CNBD1: variants seen among roughly 807,000 people sequenced by gnomAD.
CNBD1 encodes the protein cyclic nucleotide binding domain containing 1.
CNBD1 carries 71 observed loss-of-function variants against 54.4 expected under a neutral mutation model. The ratio of observed to expected loss-of-function variants is 1.30; its 90% CI spans 1.08 to 1.59. The LOEUF (loss-of-function observed/expected upper bound fraction) is 1.59. CNBD1 is among the 40% of genes most tolerant of loss of function. The pLI is 0.00. For missense variants in CNBD1, 659 were observed against 518.0 expected, an observed-to-expected ratio of 1.27 and a Z score of -2.64; for synonymous variants, 182 against 170.7, an observed-to-expected ratio of 1.07 and a Z score of -0.51.
chr8:87,302,496 A>G (rs1221325634), intron 8 of CNBD1, among the ~76,000 whole-genome samples: 1 of 151,948 alleles, frequency 6.6e-6, no homozygotes, highest in Admixed American at 6.6e-5. Context: ...TCTCAAAATA[A>G]TAAGAGCTAT....
intron 4 of CNBD1, among the ~76,000 whole-genome samples, chr8:87,149,913 C>T (rs560917443): frequency 5.3e-5 from 8 of 152,180 alleles, no homozygotes; most frequent in South Asian, 4.1e-4. Flanking sequence ...CGGTGGCTCA[C>T]GCCTGTAATC....
chr8:87,023,072 C>G (rs1302867174), intron 4 of CNBD1, among the ~76,000 whole-genome samples: 1 of 152,156 alleles, frequency 6.6e-6, no homozygotes, highest in Admixed American at 6.5e-5. Flanking sequence ...CAGCTCCTAA[C>G]TAGGGAGGTA....
chr8:87,142,510 A>G (rs1438707419), intron 4 of CNBD1, among the ~76,000 whole-genome samples: 1 of 152,170 alleles, frequency 6.6e-6, no homozygotes, highest in Non-Finnish European at 1.5e-5. Context: ...TAGTGTAATT[A>G]GGCTAAATAC....
intron 6 of CNBD1, among the ~76,000 whole-genome samples, chr8:87,270,967 G>A (rs1000223858): frequency 6.6e-6 from 1 of 151,484 alleles, no homozygotes; most frequent in African/African-American, 2.4e-5. Context: ...TTTGTTTGTT[G>A]AGATTTTCTA....
rs551136669 is a variant in CNBD1 at position 87,419,527 on chromosome 8, C to A, written c.214-9019C>A. ...CATATTTATAGAAATTGTTCCTATGCCATAAAACTCATTTCAAAAAATTTC... is the reference window on the plus strand; with the variant it reads ...CATATTTATAGAAATTGTTCCTATGACATAAAACTCATTTCAAAAAATTTC... On this transcript the variant is annotated intron_variant, in intron 2 of 7. Coordinates refer to the CNBD1 transcript ENST00000521593. 4.0e-5 allele frequency among the ~76,000 whole-genome samples: 6 copies of A among 151,846 alleles called. No individual in the cohort carries two copies. The East Asian group carries it at 1.2e-3, about 29-fold the overall frequency.
At chr8:87,407,885 A>C (rs757999921) in intron 2 of CNBD1, among the ~76,000 whole-genome samples, 1 of 152,002 alleles carries the variant, frequency 6.6e-6, no homozygotes, top group Admixed American at 6.6e-5. Flanking sequence ...ATTTATATAC[A>C]TGAGTTAGAT....
At chr8:86,936,762 T>A (rs996398122) in intron 3 of CNBD1, among the ~76,000 whole-genome samples, 6 of 138,186 alleles carry the variant, frequency 4.3e-5, no homozygotes, top group African/African-American at 8.5e-5. Context: ...AAAAAAAAAA[T>A]CTATAGGGAT....
At chr8:87,151,722 A>T (rs1411392060) in intron 4 of CNBD1, among the ~76,000 whole-genome samples, 1 of 152,026 alleles carries the variant, frequency 6.6e-6, no homozygotes, top group Non-Finnish European at 1.5e-5. Flanking sequence ...TTTGCAAATT[A>T]ACTGTCTTAA....
At chr8:87,407,574 C>G (rs1450121354) in intron 2 of CNBD1, among the ~76,000 whole-genome samples, 1 of 151,946 alleles carries the variant, frequency 6.6e-6, no homozygotes, top group Non-Finnish European at 1.5e-5. Context: ...TACTGAGAAA[C>G]AATTTTTCAG....
At position 87,085,439 on chromosome 8, in the gene CNBD1, T is replaced by C. The variant is rs893715738; in HGVS notation, c.432-120554T>C. 5.9e-5 allele frequency among the ~76,000 whole-genome samples: 9 copies of C among 152,146 alleles called. 1 individual carries two copies. Among genetic ancestry groups the C allele is most frequent in the South Asian group, 4.1e-4 (2 of 4,830 alleles). On this transcript the variant is annotated intron_variant, in intron 4 of 10. Coordinates refer to ENST00000518476, the MANE Select transcript of CNBD1 (RefSeq NM_173538.3). ...AAAATTTATTGAGTCTTTTTTTTAT[T>C]TGTGTCTAGAAGTGGGGCTAATTTC...
chr8:87,314,548 G>A (rs538647558), intron 8 of CNBD1, among the ~76,000 whole-genome samples: 1 of 151,974 alleles, frequency 6.6e-6, no homozygotes, highest in East Asian at 1.9e-4. Flanking sequence ...AAAGTGATGA[G>A]CTTGCTAACA....
chr8:87,245,944 T>C (rs986745261), intron 6 of CNBD1, among the ~76,000 whole-genome samples: 3 of 152,090 alleles, frequency 2.0e-5, no homozygotes, highest in Non-Finnish European at 4.4e-5. Context: ...ATTGAGTACA[T>C]ACTATATGCC....
intron 4 of CNBD1, among the ~76,000 whole-genome samples, chr8:87,086,085 C>T (rs1045346936): frequency 1.3e-5 from 2 of 152,146 alleles, no homozygotes; most frequent in African/African-American, 4.8e-5. Context: ...GGTCTCTCAT[C>T]TAAGTTCCTG....
intron 4 of CNBD1, among the ~76,000 whole-genome samples, chr8:87,114,298 T>C (rs1811726963): frequency 6.6e-6 from 1 of 152,214 alleles, no homozygotes; most frequent in South Asian, 2.1e-4. Context: ...CAATGATTGC[T>C]TCTTGACTAT....
intron 4 of CNBD1, among the ~76,000 whole-genome samples, chr8:87,091,872 G>T (rs976670229): frequency 1.3e-5 from 2 of 151,982 alleles, no homozygotes; most frequent in African/African-American, 4.8e-5. Flanking sequence ...AAATATATAG[G>T]ACATGTGTGT....
intron 3 of CNBD1, among the ~76,000 whole-genome samples, chr8:86,935,779 TACTC>T (rs907065697): frequency 5.9e-5 from 9 of 152,182 alleles, no homozygotes; most frequent in East Asian, 1.9e-4. Context: ...GAGTATAACT[TACTC>T]TTTCTTTTTC....
intron 4 of CNBD1, among the ~76,000 whole-genome samples, chr8:87,094,444 C>G (rs1298171926): frequency 7.2e-6 from 1 of 139,464 alleles, no homozygotes; most frequent in East Asian, 2.1e-4. Flanking sequence ...TTCTTTAATG[C>G]TTTTTTTTTT....
chr8:87,254,325 A>T lies in CNBD1; in HGVS notation c.771+17213A>T, dbSNP rs369162012. Among the ~76,000 whole-genome samples, 23 of 152,342 alleles carry T rather than the reference A, an allele frequency of 1.5e-4. No homozygotes were observed. In the South Asian group the frequency reaches 4.8e-3, roughly 32 times the overall value. On this transcript the variant is annotated intron_variant, in intron 6 of 10. Transcript: ENST00000518476. The stretch of plus-strand genomic sequence containing the variant: ...GAAAAGGACTCATAGGGTAACAATT[A>T]ATAAAGAGGCTATTTCAGTGCTGTG...
At chr8:87,007,658 C>T (rs1809131088) in intron 4 of CNBD1, among the ~76,000 whole-genome samples, 1 of 152,054 alleles carries the variant, frequency 6.6e-6, no homozygotes, top group African/African-American at 2.4e-5. Context: ...AAGTCACTTA[C>T]TATACTTCAG....
Sources: gnomAD v4.1 joint callset for allele counts (sites outside exome capture counted in the v4.1 genomes callset) on GRCh38, gnomAD v4.1.1 for gene constraint, MANE v1.5 for transcripts, NCBI Gene and HGNC (gene_info 2026-07-23, HGNC 2026-07-21) for gene names.